Variants in SYT14 observed in about 807,000 individuals in gnomAD.
SYT14 encodes synaptotagmin-14.
A neutral mutation model predicts 74.2 loss-of-function variants in SYT14; 32 were observed. The observed-to-expected ratio is 0.43, with a 90% confidence interval of 0.33 to 0.58. The LOEUF is 0.58. Ranked by LOEUF, SYT14 falls within the 20% of genes least tolerant of loss-of-function variation. The probability of loss-of-function intolerance (pLI) is 0.05; values close to 1 mark genes in which losing one functional copy is unlikely to be tolerated. For synonymous variants in SYT14, 298 were observed against 337.7 expected (o/e 0.88, Z 1.29); for missense variants, 791 against 981.8 (o/e 0.81, Z 2.60).
At chr1:210,119,530 G>C (rs1282547758) in intron 7 of SYT14, among the ~76,000 whole-genome samples, 1 of 152,186 alleles carries the variant, frequency 6.6e-6, no homozygotes, top group Admixed American at 6.5e-5. Context: ...GGATTCAGTA[G>C]AGACTTATAA....
intron 2 of SYT14, among the ~76,000 whole-genome samples, chr1:210,006,989 A>G (rs912674637): frequency 1.1e-4 from 16 of 152,008 alleles, no homozygotes; most frequent in African/African-American, 2.9e-4. Flanking sequence ...GAATTCTGCA[A>G]TACTTTCAAA....
intron 2 of SYT14, among the ~76,000 whole-genome samples, chr1:209,975,358 C>T (rs2079341209): frequency 1.3e-5 from 2 of 152,112 alleles, no homozygotes; most frequent in South Asian, 2.1e-4. Flanking sequence ...ATAGACAGCT[C>T]TTATTATTTT....
exon 7 of SYT14, chr1:210,100,434 G>C (rs2082043119): frequency 6.2e-7 from 1 of 1,613,104 alleles, no homozygotes; most frequent in Non-Finnish European, 8.5e-7. Flanking sequence ...CATTGCCTGT[G>C]ATATTGGAAC....
At chr1:209,974,885 C>A (rs2079328671) in intron 2 of SYT14, among the ~76,000 whole-genome samples, 1 of 152,134 alleles carries the variant, frequency 6.6e-6, no homozygotes, top group African/African-American at 2.4e-5. Flanking sequence ...TCTTTTATTT[C>A]ATTGAGCAGT....
intron 2 of SYT14, among the ~76,000 whole-genome samples, chr1:209,988,242 A>G (rs2079604835): frequency 1.3e-5 from 2 of 152,024 alleles, no homozygotes; most frequent in Non-Finnish European, 2.9e-5. Context: ...CTTTCAGTGT[A>G]TTTTTATCTA....
chr1:210,093,063 T>G (rs906850950), intron 5 of SYT14, among the ~76,000 whole-genome samples: 2 of 152,188 alleles, frequency 1.3e-5, no homozygotes, highest in African/African-American at 4.8e-5. Flanking sequence ...TATTGAGAGA[T>G]GACTCTGTGG....
chr1:209,986,570 G>A (rs781031820), intron 2 of SYT14, among the ~76,000 whole-genome samples: 15 of 151,582 alleles, frequency 9.9e-5, no homozygotes, highest in African/African-American at 2.7e-4. Context: ...CCAAGATTGC[G>A]CCATTGCACT....
intron 1 of SYT14, among the ~76,000 whole-genome samples, chr1:209,940,181 A>G (rs958613858): frequency 2.0e-5 from 3 of 152,192 alleles, no homozygotes; most frequent in Non-Finnish European, 4.4e-5. Context: ...GCTCCTTATC[A>G]CATAGTAAAA....
At chr1:210,120,580 G>C (rs2082440603) in intron 7 of SYT14, among the ~76,000 whole-genome samples, 1 of 152,066 alleles carries the variant, frequency 6.6e-6, no homozygotes, top group Non-Finnish European at 1.5e-5. Context: ...GTACAGGTTG[G>C]TAGCCTAGGA....
intron 5 of SYT14, among the ~76,000 whole-genome samples, chr1:210,057,587 A>C (rs1416172117): frequency 1.3e-5 from 2 of 152,130 alleles, no homozygotes; most frequent in East Asian, 3.8e-4. Context: ...ATAAATCAAT[A>C]ATTTTTTTAT....
intron 5 of SYT14, among the ~76,000 whole-genome samples, chr1:210,049,554 G>A (rs2080951924): frequency 6.6e-6 from 1 of 152,016 alleles, no homozygotes; most frequent in South Asian, 2.1e-4. Flanking sequence ...TCTACGTTAG[G>A]TATTTCTCCT....
At chr1:210,117,435 C>T (rs1572332867) in intron 7 of SYT14, among the ~76,000 whole-genome samples, 1 of 152,246 alleles carries the variant, frequency 6.6e-6, no homozygotes, top group Non-Finnish European at 1.5e-5. Context: ...ATGTAGATTA[C>T]TCTTCTTCTT....
intron 5 of SYT14, among the ~76,000 whole-genome samples, chr1:210,055,655 A>G (rs2081082310): frequency 6.7e-6 from 1 of 148,980 alleles, no homozygotes; most frequent in South Asian, 2.1e-4. Flanking sequence ...CATCTCTACA[A>G]AAAAAAAAAT....
intron 2 of SYT14, among the ~76,000 whole-genome samples, chr1:209,989,052 C>T (rs1368204487): frequency 6.6e-6 from 1 of 152,192 alleles, no homozygotes; most frequent in African/African-American, 2.4e-5. Flanking sequence ...CATAGTCATA[C>T]AGATGATCTC....
At chr1:210,163,158 T>C (rs765947844) in exon 10 of SYT14, 5 of 453,616 alleles carry the variant, frequency 1.1e-5, no homozygotes, top group East Asian at 1.4e-4. Flanking sequence ...ATCAGTCTTA[T>C]CTGTAACTGT....
In SYT14 at chr1:210,047,558, C is replaced by T. The variant is rs1430766736; in HGVS notation, c.1312+26304C>T. The stretch of plus-strand genomic sequence containing the variant: ...GATTACAGGCACCTGCCACCACACC[C>T]GGCTGATTTTTTGTATCTTTAGTGG... On this transcript the variant is annotated intron_variant, in intron 5 of 9. Transcript: ENST00000637265. Among the ~76,000 whole-genome samples, 12 of 152,200 alleles carry T rather than the reference C, an allele frequency of 7.9e-5. 1 individual carries two copies. Among genetic ancestry groups the T allele is most frequent in the East Asian group, 1.9e-4 (1 of 5,172 alleles).
intron 5 of SYT14, among the ~76,000 whole-genome samples, chr1:210,041,808 G>C (rs2102346435): frequency 6.6e-6 from 1 of 152,200 alleles, no homozygotes; most frequent in Middle Eastern, 3.4e-3. Context: ...CTCACAGATA[G>C]GCAGCAGGAT....
At chr1:210,135,689 C>T (rs556129656) in intron 7 of SYT14, among the ~76,000 whole-genome samples, 1 of 152,094 alleles carries the variant, frequency 6.6e-6, no homozygotes, top group East Asian at 1.9e-4. Flanking sequence ...TTGTTGGGTG[C>T]TAAATTATTT....
intron 5 of SYT14, among the ~76,000 whole-genome samples, chr1:210,063,951 G>A (rs976406262): frequency 6.6e-6 from 1 of 151,462 alleles, no homozygotes; most frequent in Non-Finnish European, 1.5e-5. Flanking sequence ...CCCTCTTTCC[G>A]TTTCTTATAA....
Sources: allele counts gnomAD v4.1 joint callset (sites outside exome capture counted in the v4.1 genomes callset), GRCh38; gene constraint gnomAD v4.1.1; transcripts MANE v1.5; gene names NCBI Gene and HGNC (gene_info 2026-07-23, HGNC 2026-07-21).